NR5A2: variants seen among roughly 807,000 people sequenced by gnomAD.
NR5A2 encodes nuclear receptor subfamily 5 group A member 2, also known as CYP7A promoter-binding factor.
Under a neutral mutation model 62.7 loss-of-function variants are expected in NR5A2, and 26 were observed. The ratio of observed to expected loss-of-function variants is 0.41; its 90% CI spans 0.30 to 0.58. NR5A2 has a LOEUF of 0.58. Among genes scored for constraint, NR5A2 ranks in the 20% least tolerant of loss-of-function variants. NR5A2 has a pLI of 0.22. For missense variants in NR5A2, 541 were observed against 669.1 expected, an observed-to-expected ratio of 0.81 and a Z score of 2.11; for synonymous variants, 246 against 241.7, an observed-to-expected ratio of 1.02 and a Z score of -0.16.
chr1:200,142,685 T>C (rs572480445), intron 7 of NR5A2, among the ~76,000 whole-genome samples: 5 of 152,294 alleles, frequency 3.3e-5, no homozygotes, highest in African/African-American at 9.6e-5. Flanking sequence ...CATGCCACCA[T>C]GTCTGTCTTG....
intron 7 of NR5A2, among the ~76,000 whole-genome samples, chr1:200,172,878 A>G (rs144718185): frequency 7.4e-4 from 113 of 152,310 alleles, no homozygotes; most frequent in African/African-American, 2.4e-3. Flanking sequence ...TTTTTGTCCA[A>G]TTAGAAAATA....
intron 6 of NR5A2, among the ~76,000 whole-genome samples, chr1:200,114,969 A>G (rs1329151393): frequency 1.3e-5 from 2 of 152,198 alleles, no homozygotes; most frequent in East Asian, 3.8e-4. Context: ...CCAGTGCATG[A>G]CAGACTCTAT....
In NR5A2 at chr1:200,039,191, A is replaced by AGGG. The variant is rs1661927862; in HGVS notation, c.65-466_65-464dup. The stretch of plus-strand genomic sequence containing the variant: ...AGGGGCGGAGAGGAGGGGAGAGAGA[A>AGGG]GGGAGGCGAGAGAAAGAGGAGAGAG... On this transcript the variant is annotated intron_variant, in intron 1 of 7. Coordinates refer to ENST00000367362, the MANE Select transcript of NR5A2 (RefSeq NM_205860.3). The surrounding 1 kb of genome is among the most constrained non-coding windows in gnomAD (Gnocchi z 5.1). Among the ~76,000 whole-genome samples the AGGG allele has an allele frequency of 6.6e-6, 1 of 152,094 alleles. No homozygotes were observed. Among genetic ancestry groups the AGGG allele is most frequent in the African/African-American group, 2.4e-5 (1 of 41,412 alleles).
intron 6 of NR5A2, among the ~76,000 whole-genome samples, chr1:200,120,572 T>C (rs145963718): frequency 3.5e-3 from 531 of 152,304 alleles, no homozygotes; most frequent in Middle Eastern, 0.031. Flanking sequence ...TCAATCTGTA[T>C]TGTGGCCAGG....
At chr1:200,041,081 G>A (rs552425807) in intron 2 of NR5A2, among the ~76,000 whole-genome samples, 11 of 152,128 alleles carry the variant, frequency 7.2e-5, no homozygotes, top group Non-Finnish European at 1.6e-4. Flanking sequence ...GGGAAGTGGC[G>A]CTGGGGGGCT....
chr1:200,149,858 ATTCAT>A (rs1652977913), intron 7 of NR5A2, among the ~76,000 whole-genome samples: 1 of 152,158 alleles, frequency 6.6e-6, no homozygotes, highest in Non-Finnish European at 1.5e-5. Context: ...ATGAACTACT[ATTCAT>A]CATTTAGGGT....
Position 200,158,804 on chromosome 1 carries a change from T to C in NR5A2, c.1379-15159T>C, listed in dbSNP as rs74491510. Among the ~76,000 whole-genome samples the C allele has an allele frequency of 9.6e-3, 1,467 of 152,290 alleles. 16 individuals carry two copies. Among genetic ancestry groups the C allele is most frequent in the Non-Finnish European group, 0.015 (989 of 68,018 alleles). The stretch of plus-strand genomic sequence containing the variant: ...CATCAGCCAACACTGTAGAACATCA[T>C]GGTGCTGCCATATAGTGTATTTCTT... On this transcript the variant is annotated intron_variant, in intron 7 of 7. Transcript: ENST00000367362.
rs139514872 is a variant in NR5A2 at position 200,081,486 on chromosome 1, C to T, written c.1111-29716C>T. 5.3e-5 allele frequency among the ~76,000 whole-genome samples: 8 copies of T among 152,274 alleles called. No individual in the cohort carries two copies. In the East Asian group the frequency reaches 9.6e-4, roughly 18 times the overall value. ...TCATTCCGAATTAGTAAATAATGCC[C>T]GCCTGTCTTCCACATCTGTCAAAGT... On this transcript the variant is annotated intron_variant, in intron 5 of 7. Coordinates refer to ENST00000367362, the MANE Select transcript of NR5A2 (RefSeq NM_205860.3).
chr1:200,032,035 G>C (rs372491904), intron 1 of NR5A2, among the ~76,000 whole-genome samples: 41 of 152,262 alleles, frequency 2.7e-4, no homozygotes, highest in African/African-American at 8.7e-4. Context: ...GCTAGAGAAG[G>C]GCACATTGTC....
chr1:200,117,711 T>C (rs2737676), intron 6 of NR5A2, among the ~76,000 whole-genome samples: 55,927 of 151,690 alleles, frequency 0.37, 11,021 homozygotes, highest in South Asian at 0.45. Flanking sequence ...TAGTGATTTT[T>C]TTTTCTTTTC....
chr1:200,095,714 A>G lies in NR5A2; in HGVS notation c.1111-15488A>G, dbSNP rs190971066. Among the ~76,000 whole-genome samples the G allele has an allele frequency of 7.9e-3, 443 of 55,802 alleles. 9 individuals are homozygous for G. The highest frequency in any genetic ancestry group is 0.06 in the Admixed American group (416 of 6,950). The allele number at this position is 55,802 out of a possible 152,430, so 36.6% of individuals were successfully genotyped here. On this transcript the variant is annotated intron_variant, in intron 5 of 7. Coordinates refer to ENST00000367362, the MANE Select transcript of NR5A2 (RefSeq NM_205860.3). ...ACTACAGGCACCCGCCACCATGCCC[A>G]GCTAATTTTTTGTATTTTTAGTAGA...
intron 5 of NR5A2, chr1:200,058,439 G>A (rs1040963525): frequency 4.6e-5 from 7 of 151,872 alleles, no homozygotes; most frequent in African/African-American, 9.7e-5. Flanking sequence ...GTGGTTTTTC[G>A]TAAGTTTACC....
At position 200,042,904 on chromosome 1, in the gene NR5A2, T is replaced by TGAGCC. The variant is rs1558099623; in HGVS notation, c.203-868_203-864dup. On this transcript the variant is annotated intron_variant, in intron 2 of 7. Coordinates refer to ENST00000367362, the MANE Select transcript of NR5A2 (RefSeq NM_205860.3). ...CAAGGCGGTTACCCGATCCCGGCAG[T>TGAGCC]GAGCCGCGCCGCGCGTCGTGGCGGC... 4.4e-5 allele frequency: 43 copies of TGAGCC among 985,474 alleles called. No homozygotes were observed. In the South Asian group the frequency reaches 1.9e-3, roughly 43 times the overall value. The allele number at this position is 985,474 out of a possible 1,614,324, so 61.0% of individuals were successfully genotyped here.
chr1:200,051,282 T>TA (rs1469293607), intron 5 of NR5A2, among the ~76,000 whole-genome samples: 3 of 124,732 alleles, frequency 2.4e-5, no homozygotes, highest in African/African-American at 1.3e-4. Context: ...TATTTTCATG[T>TA]AAAAAAGGAA....
intron 6 of NR5A2, among the ~76,000 whole-genome samples, chr1:200,119,141 A>G (rs930526692): frequency 7.2e-5 from 11 of 152,182 alleles, no homozygotes; most frequent in Non-Finnish European, 1.2e-4. Context: ...CACTCTTGAA[A>G]AAGGTTTCTG....
chr1:200,053,583 A>ACACACACG lies in NR5A2; in HGVS notation c.1110+4772_1110+4773insGCACACAC, dbSNP rs1558108404. ...AGCATGCACACGCACACACACACAC[A>ACACACACG]CACACACACACACACACACACACAA... On this transcript the variant is annotated intron_variant, in intron 5 of 7. Transcript: ENST00000367362. 7.1e-4 allele frequency among the ~76,000 whole-genome samples: 108 copies of ACACACACG among 151,504 alleles called. 1 individual carries two copies. The highest frequency in any genetic ancestry group is 2.5e-3 in the African/African-American group (104 of 41,262).
chr1:200,158,259 G>GT (rs913717284), intron 7 of NR5A2, among the ~76,000 whole-genome samples: 21 of 152,278 alleles, frequency 1.4e-4, no homozygotes, highest in African/African-American at 4.1e-4. Flanking sequence ...CAAATACCTA[G>GT]TTTTTTTCCA....
chr1:200,038,345 C>G (rs1273411640), intron 1 of NR5A2, among the ~76,000 whole-genome samples: 1 of 152,172 alleles, frequency 6.6e-6, no homozygotes, highest in Non-Finnish European at 1.5e-5. Flanking sequence ...AGTCGAGGGT[C>G]TTTTAAAAGT....
chr1:200,148,957 C>T lies in NR5A2; in HGVS notation c.1379-25006C>T, dbSNP rs187552413. Among the ~76,000 whole-genome samples the T allele has an allele frequency of 4.7e-5, 7 of 148,586 alleles. No homozygotes were observed. In the East Asian group the frequency reaches 1.4e-3, roughly 29 times the overall value. ...GAAACCAAGTCTCGCTCTGTCACCACGCTGGAGTGCAGTGGCACAATCTCA... is the reference window on the plus strand; with the variant it reads ...GAAACCAAGTCTCGCTCTGTCACCATGCTGGAGTGCAGTGGCACAATCTCA... On this transcript the variant is annotated intron_variant, in intron 7 of 7. Transcript: ENST00000367362.
Sources: gnomAD v4.1 joint callset for allele counts (sites outside exome capture counted in the v4.1 genomes callset) on GRCh38, gnomAD v4.1.1 for gene constraint, Gnocchi (gnomAD v3.1) non-coding constraint, MANE v1.5 for transcripts, NCBI Gene and HGNC (gene_info 2026-07-23, HGNC 2026-07-21) for gene names.